ATP2B2: variants seen among roughly 807,000 people sequenced by gnomAD.
The protein encoded by ATP2B2 is ATPase plasma membrane Ca2+ transporting 2.
In ATP2B2, 15 loss-of-function variants were observed where a neutral mutation model predicts 120.0. The observed-to-expected ratio is 0.12, with a 90% CI of 0.08 to 0.19. ATP2B2 has a LOEUF of 0.19. Among genes scored for constraint, ATP2B2 ranks in the 10% least tolerant of loss-of-function variants. The pLI is 1.00. For synonymous variants in ATP2B2, 694 were observed against 700.3 expected (o/e 0.99, Z 0.14); for missense variants, 1,045 against 1,719.8 (o/e 0.61, Z 6.94).
intron 2 of ATP2B2, among the ~76,000 whole-genome samples, chr3:10,426,789 C>G (rs2063158781): frequency 7.4e-6 from 1 of 135,056 alleles, no homozygotes; most frequent in South Asian, 2.4e-4. Context: ...AAAAAGAGAG[C>G]TTATTTGAGG....
intron 2 of ATP2B2, among the ~76,000 whole-genome samples, chr3:10,562,007 A>T (rs2067913803): frequency 6.6e-6 from 1 of 152,234 alleles, no homozygotes; most frequent in African/African-American, 2.4e-5. Flanking sequence ...CATCTCATGC[A>T]AAAGCTGTAT....
chr3:10,468,656 C>T (rs1011386722), intron 1 of ATP2B2, among the ~76,000 whole-genome samples: 1 of 152,228 alleles, frequency 6.6e-6, no homozygotes, highest in African/African-American at 2.4e-5. Flanking sequence ...GTCTGTGGCT[C>T]CAAGGGGACA....
rs775019 is a variant in ATP2B2, at chr3:10,358,569, C to T, written c.2136+122G>A. The T allele has an allele frequency of 0.16, 155,847 of 949,392 alleles. 14,644 individuals carry two copies. The highest frequency in any genetic ancestry group is 0.38 in the East Asian group (14,644 of 38,246). The allele number at this position is 949,392 out of a possible 1,614,324, so 58.8% of individuals were successfully genotyped here. On this transcript the variant is annotated intron_variant, in intron 14 of 22. Transcript: ENST00000360273. ...TCTTATGAGGATCAAGGAAGGAAAT[C>T]CCCATGGGCATTATGTGGAAACTGA...
intron 1 of ATP2B2, among the ~76,000 whole-genome samples, chr3:10,682,708 T>C (rs551222360): frequency 7.2e-5 from 11 of 152,254 alleles, no homozygotes; most frequent in Admixed American, 3.3e-4. Flanking sequence ...GATCCAAGGC[T>C]AACACAAGAA....
intron 1 of ATP2B2, among the ~76,000 whole-genome samples, chr3:10,678,130 T>G (rs1241252189): frequency 6.6e-6 from 1 of 152,240 alleles, no homozygotes; most frequent in African/African-American, 2.4e-5. Flanking sequence ...GTGCAAACCG[T>G]GGTTCTCACA....
intron 2 of ATP2B2, among the ~76,000 whole-genome samples, chr3:10,423,050 C>G (rs975155088): frequency 2.0e-5 from 3 of 152,072 alleles, no homozygotes; most frequent in African/African-American, 7.3e-5. Context: ...TGATCTGTAC[C>G]AAAGAATGGG....
intron 3 of ATP2B2, among the ~76,000 whole-genome samples, chr3:10,529,040 C>A (rs544498088): frequency 1.3e-5 from 2 of 152,362 alleles, no homozygotes; most frequent in African/African-American, 4.8e-5. Flanking sequence ...CTCTGGGCAT[C>A]CCAGCCAAGC....
chr3:10,330,442 C>T (rs1230649451), intron 22 of ATP2B2, among the ~76,000 whole-genome samples: 1 of 152,256 alleles, frequency 6.6e-6, no homozygotes, highest in African/African-American at 2.4e-5. Flanking sequence ...GGAGGGGCAG[C>T]AGTGCCTGTC....
At chr3:10,693,973 AT>A (rs1441099971) in intron 1 of ATP2B2, among the ~76,000 whole-genome samples, 1 of 152,208 alleles carries the variant, frequency 6.6e-6, no homozygotes, top group Non-Finnish European at 1.5e-5. Context: ...CTGTGTCTTT[AT>A]TTATAACTTT....
intron 2 of ATP2B2, among the ~76,000 whole-genome samples, chr3:10,583,927 T>C (rs538781052): frequency 1.1e-4 from 17 of 152,222 alleles, no homozygotes; most frequent in Non-Finnish European, 2.2e-4. Flanking sequence ...ACAAAGCAGC[T>C]GTGCCCAGGA....
chr3:10,681,426 C>T (rs1429453908), intron 1 of ATP2B2, among the ~76,000 whole-genome samples: 1 of 152,188 alleles, frequency 6.6e-6, no homozygotes, highest in Non-Finnish European at 1.5e-5. Flanking sequence ...TTGATCCTCA[C>T]AAGCTGGAAG....
At chr3:10,553,483 A>G (rs959419134) in intron 2 of ATP2B2, among the ~76,000 whole-genome samples, 5 of 152,286 alleles carry the variant, frequency 3.3e-5, no homozygotes, top group Middle Eastern at 3.4e-3. Context: ...TGATGTTCCA[A>G]CTCTTGAGAA....
At chr3:10,409,797 T>G (rs1297523321) in intron 3 of ATP2B2, among the ~76,000 whole-genome samples, 1 of 152,240 alleles carries the variant, frequency 6.6e-6, no homozygotes, top group Admixed American at 6.5e-5. Context: ...GCTATTAACT[T>G]TTAATTTGCT....
rs563866096 is a variant in ATP2B2, at chr3:10,623,076, T to C, written c.-459-3115A>G. On this transcript the variant is annotated intron_variant, in intron 1 of 21. Coordinates refer to the ATP2B2 transcript ENST00000646379. ...GCTCTTTTTTTTTTTTTTTTTTTTT[T>C]CCCTGAGGAAGGGGCTCTCTCTGTT... Among the ~76,000 whole-genome samples, 925 of 146,826 alleles carry C rather than the reference T, an allele frequency of 6.3e-3. 3 individuals carry two copies. The highest frequency in any genetic ancestry group is 0.023 in the African/African-American group (879 of 38,426).
At chr3:10,469,906 G>T (rs139756585) in intron 1 of ATP2B2, among the ~76,000 whole-genome samples, 2 of 152,132 alleles carry the variant, frequency 1.3e-5, no homozygotes, top group East Asian at 3.9e-4. Context: ...CGCCTTGGTT[G>T]CCTGGCAACC....
At chr3:10,471,327 C>A (rs1011857716) in intron 1 of ATP2B2, among the ~76,000 whole-genome samples, 2 of 151,384 alleles carry the variant, frequency 1.3e-5, no homozygotes, top group Non-Finnish European at 2.9e-5. Context: ...CGGGAGTCTA[C>A]AGCTTGGACT....
chr3:10,607,073 A>G (rs974215497), intron 2 of ATP2B2, among the ~76,000 whole-genome samples: 1 of 151,948 alleles, frequency 6.6e-6, no homozygotes, highest in Non-Finnish European at 1.5e-5. Flanking sequence ...CTCAGGTATG[A>G]ATCTCATACT....
intron 1 of ATP2B2, among the ~76,000 whole-genome samples, chr3:10,690,470 ATC>A (rs1206967318): frequency 2.0e-5 from 3 of 152,108 alleles, no homozygotes; most frequent in African/African-American, 4.8e-5. Flanking sequence ...CTATCTATCT[ATC>A]TATCTATATA....
chr3:10,444,476 C>T (rs980517921), intron 2 of ATP2B2, among the ~76,000 whole-genome samples: 9 of 152,310 alleles, frequency 5.9e-5, no homozygotes, highest in Middle Eastern at 3.4e-3. Context: ...TCTGCTCTCT[C>T]GTCCTCCCTC....
Sources: gnomAD v4.1 joint callset for allele counts (sites outside exome capture counted in the v4.1 genomes callset) on GRCh38, gnomAD v4.1.1 for gene constraint, MANE v1.5 for transcripts, NCBI Gene and HGNC (gene_info 2026-07-23, HGNC 2026-07-21) for gene names.